The following ASB11 variants were observed in gnomAD, a reference collection of about 807,000 sequenced individuals.
ASB11 encodes the protein ankyrin repeat and SOCS box protein 11.
ASB11 carries 17 observed loss-of-function variants against 20.1 expected under a neutral mutation model. That is an observed-to-expected ratio of 0.85 (90% CI 0.58 to 1.27). The LOEUF (loss-of-function observed/expected upper bound fraction) is 1.27. Ranked by LOEUF, ASB11 falls within the 50% of genes most tolerant of loss-of-function variation. The pLI, the probability that ASB11 is intolerant of heterozygous loss-of-function variation, is 0.00. For missense variants in ASB11, 259 were observed against 256.9 expected (o/e 1.01, Z -0.06); for synonymous variants, 107 against 105.6 (o/e 1.01, Z -0.08).
At chrX:15,298,440 A>T (rs1020826500) in intron 2 of ASB11, among the ~76,000 whole-genome samples, 1 of 111,427 alleles carries the variant, frequency 9.0e-6, no homozygotes, top group African/African-American at 3.3e-5. Flanking sequence ...GGAGGAGACA[A>T]AGGAGGACAG....
intron 6 of ASB11, among the ~76,000 whole-genome samples, chrX:15,287,157 G>A (rs1422013423): frequency 1.8e-5 from 2 of 111,197 alleles, no homozygotes; most frequent in Non-Finnish European, 3.8e-5. Flanking sequence ...CCATTTAGTC[G>A]GATTTCTGAA....
Position 15,283,422 on chromosome X carries a change from T to C in ASB11, c.*83A>G. On this transcript the variant is annotated 3_prime_UTR_variant, in exon 7 of 7. Transcript: ENST00000480796. ...ATTTAAAGATACTAGGAGTCTAAGC[T>C]GTTGAGCTTCTACATTAGGTACTCT... The C allele has an allele frequency of 1.8e-6, 2 of 1,125,921 alleles. No individual in the cohort carries two copies. Among genetic ancestry groups the C allele is most frequent in the South Asian group, 3.7e-5 (2 of 54,387 alleles). 92.8% of individuals were successfully genotyped at this position (1,125,921 alleles called of 1,213,427 possible). A position where few individuals can be genotyped will look rare whatever the true frequency, so the allele number is the denominator to read the frequency against.
intron 6 of ASB11, among the ~76,000 whole-genome samples, chrX:15,285,758 C>T (rs1260865490): frequency 9.1e-6 from 1 of 110,401 alleles, no homozygotes; most frequent in Non-Finnish European, 1.9e-5. Flanking sequence ...AATCCCTGCA[C>T]TTTGGGAGGC....
intron 1 of ASB11, among the ~76,000 whole-genome samples, chrX:15,303,902 T>C (rs762828369): frequency 5.3e-5 from 6 of 112,499 alleles, no homozygotes; most frequent in South Asian, 7.3e-4. Context: ...GACATATTTT[T>C]CTTATAATTG....
intron 2 of ASB11, among the ~76,000 whole-genome samples, chrX:15,301,512 G>C (rs1051076282): frequency 2.7e-5 from 3 of 110,031 alleles, no homozygotes; most frequent in African/African-American, 1.0e-4. Context: ...TGCACACACA[G>C]ACAGAGAGAG....
chrX:15,289,748 G>T, intron 4 of ASB11, 110 bp from the exon 5 acceptor site: 1 of 920,343 alleles, frequency 1.1e-6, no homozygotes, highest in Non-Finnish European at 1.5e-6. Flanking sequence ...GGTTGGCCGG[G>T]TGTGGTGGCT....
At chrX:15,300,075 T>C (rs1174720060) in intron 2 of ASB11, among the ~76,000 whole-genome samples, 1 of 112,717 alleles carries the variant, frequency 8.9e-6, no homozygotes, top group Non-Finnish European at 1.9e-5. Flanking sequence ...TAATAAGAGT[T>C]AGAAAAAGTC....
In ASB11 at chrX:15,313,644, T is replaced by G. The variant is rs746557501; in HGVS notation, c.181+1781A>C. Among the ~76,000 whole-genome samples, 3 of 112,157 alleles carry G rather than the reference T, an allele frequency of 2.7e-5. No homozygotes were observed. In the East Asian group the frequency reaches 8.4e-4, roughly 31 times the overall value. On this transcript the variant is annotated intron_variant, in intron 1 of 6. Transcript: ENST00000480796. ...TAAGAGATTGAACAAGTAAAGATAT[T>G]TGCACTACAGAATGAACGAACTGTA...
chrX:15,297,389 G>C (rs1378460511), intron 3 of ASB11, among the ~76,000 whole-genome samples, 185 bp downstream of exon 3: 1 of 112,118 alleles, frequency 8.9e-6, no homozygotes, highest in Non-Finnish European at 1.9e-5. Flanking sequence ...TGCCATGTCT[G>C]AATATTTACA....
intron 1 of ASB11, among the ~76,000 whole-genome samples, chrX:15,312,361 G>A (rs1444235882): frequency 1.3e-5 from 1 of 76,252 alleles, no homozygotes; most frequent in African/African-American, 5.4e-5. Context: ...AAGCCACAAA[G>A]ACATATAAAA....
intron 1 of ASB11, among the ~76,000 whole-genome samples, chrX:15,312,353 G>A (rs1168810026): frequency 2.3e-5 from 2 of 87,426 alleles, no homozygotes; most frequent in African/African-American, 9.0e-5. Flanking sequence ...AATAGTTTAA[G>A]CCACAAAGAC....
At chrX:15,314,664 T>C (rs1921557072) in intron 1 of ASB11, 4 of 591,628 alleles carry the variant, frequency 6.8e-6, no homozygotes, top group Middle Eastern at 6.5e-4. Context: ...CTGCAAACAC[T>C]AAAAATACAC....
In ASB11 at chrX:15,305,076, T is replaced by G. The variant is rs115651927; in HGVS notation, c.182-2269A>C. 8.5e-3 allele frequency among the ~76,000 whole-genome samples: 945 copies of G among 111,739 alleles called. 11 individuals carry two copies. Among genetic ancestry groups the G allele is most frequent in the African/African-American group, 0.029 (885 of 30,752 alleles). Reference sequence around the variant, plus strand: ...AAGAAATAATAGAATCAGCTTCAACTCATCTCCCTGCAAAATAATGACTAA... The same window carrying G: ...AAGAAATAATAGAATCAGCTTCAACGCATCTCCCTGCAAAATAATGACTAA... On this transcript the variant is annotated intron_variant, in intron 1 of 6. Coordinates refer to ENST00000480796, the MANE Select transcript of ASB11 (RefSeq NM_080873.3).
At chrX:15,293,954 A>G (rs1434487352) in intron 3 of ASB11, among the ~76,000 whole-genome samples, 1 of 110,977 alleles carries the variant, frequency 9.0e-6, no homozygotes, top group East Asian at 2.8e-4. Flanking sequence ...CAGCACACCA[A>G]CATGGCACAT....
At chrX:15,313,247 A>C (rs1386176499) in intron 1 of ASB11, among the ~76,000 whole-genome samples, 1 of 110,943 alleles carries the variant, frequency 9.0e-6, no homozygotes, top group Non-Finnish European at 1.9e-5. Context: ...AAAAATACAA[A>C]AATTAGCCGG....
intron 3 of ASB11, among the ~76,000 whole-genome samples, chrX:15,296,370 G>A (rs1920965240): frequency 1.8e-5 from 2 of 111,858 alleles, no homozygotes; most frequent in African/African-American, 3.2e-5. Flanking sequence ...GTAGAAACCC[G>A]ATTTCCATAT....
chrX:15,293,153 T>C lies in ASB11; in HGVS notation c.520+17A>G. The C allele has an allele frequency of 8.3e-7, 1 of 1,203,608 alleles. No individual in the cohort carries two copies. Among genetic ancestry groups the C allele is most frequent in the Non-Finnish European group, 1.1e-6 (1 of 891,640 alleles). ...GAGCCCATCAATGTTTCACATGCAT[T>C]GTGGTGGCTCATTTACCTCTCTTCA... is the stretch of plus-strand genomic sequence containing the variant. On this transcript the variant is annotated intron_variant, in intron 4 of 6. Coordinates refer to ENST00000480796, the MANE Select transcript of ASB11 (RefSeq NM_080873.3).
intron 3 of ASB11, 88 bp downstream of exon 3, chrX:15,297,486 G>A: frequency 1.3e-6 from 1 of 799,102 alleles, no homozygotes; most frequent in Non-Finnish European, 1.8e-6. Context: ...TACCCACAGT[G>A]GGTAAGCCAT....
chrX:15,302,650 C>T, intron 2 of ASB11, 78 bp downstream of exon 2: 1 of 1,042,313 alleles, frequency 9.6e-7, no homozygotes, highest in Non-Finnish European at 1.3e-6. Flanking sequence ...AGCCACACCT[C>T]TGCTACAGCC....
Sources: gnomAD v4.1 joint callset for allele counts (sites outside exome capture counted in the v4.1 genomes callset) on GRCh38, gnomAD v4.1.1 for gene constraint, MANE v1.5 for transcripts, NCBI Gene and HGNC (gene_info 2026-07-23, HGNC 2026-07-21) for gene names.